C18orf54: variants seen among roughly 807,000 people sequenced by gnomAD.
The protein encoded by C18orf54 is chromosome 18 open reading frame 54.
C18orf54 carries 49 observed loss-of-function variants against 49.3 expected under a neutral mutation model. The ratio of observed to expected loss-of-function variants is 0.99; its 90% confidence interval spans 0.79 to 1.26. The LOEUF (loss-of-function observed/expected upper bound fraction) is 1.26. C18orf54 is among the 50% of genes most tolerant of loss of function. The pLI, the probability that C18orf54 is intolerant of heterozygous loss-of-function variation, is 0.00. For missense variants in C18orf54, 687 were observed against 620.6 expected (o/e 1.11, Z -1.14); for synonymous variants, 211 against 216.6 (o/e 0.97, Z 0.23).
intron 8 of C18orf54, among the ~76,000 whole-genome samples, chr18:54,375,094 G>T (rs1382169296): frequency 6.6e-6 from 1 of 151,582 alleles, no homozygotes; most frequent in Non-Finnish European, 1.5e-5. Context: ...TTATCTTTAG[G>T]GTATAAATAA....
intron 7 of C18orf54, 131 bp downstream of exon 7, chr18:54,372,728 G>A (rs879460793): frequency 1.1e-5 from 9 of 818,084 alleles, no homozygotes; most frequent in African/African-American, 1.8e-5. Context: ...GTAAGTGGCA[G>A]TAGTTTTTTT....
Position 54,381,741 on chromosome 18 carries a change from T to G in C18orf54, c.*3495T>G, listed in dbSNP as rs932358395. 2 of 152,234 alleles carry G rather than the reference T, an allele frequency of 1.3e-5. No individual in the cohort carries two copies. Among genetic ancestry groups the G allele is most frequent in the Non-Finnish European group, 2.9e-5 (2 of 68,032 alleles). 9.4% of individuals were successfully genotyped at this position (152,234 alleles called of 1,614,324 possible). A position where few individuals can be genotyped will look rare whatever the true frequency, so the allele number is the denominator to read the frequency against. ...TATCCACCAAACTGGTAAGTTGGCT[T>G]TTCTTTTTCCTCCCCCTGTCATTCA... On this transcript the variant is annotated 3_prime_UTR_variant, in exon 9 of 9. Transcript: ENST00000620105.
Position 54,362,391 on chromosome 18 carries a change from G to A in C18orf54, c.1032G>A (p.Glu344=). 6.5e-7 allele frequency: 1 copy of A among 1,532,580 alleles called. No homozygotes were observed. The highest frequency in any genetic ancestry group is 8.7e-7 in the Non-Finnish European group (1 of 1,144,764). 94.9% of individuals were successfully genotyped at this position (1,532,580 alleles called of 1,614,324 possible). The change falls in exon 4 of 9, where the codon GAG becomes GAA. Residue 344 remains glutamate, a synonymous_variant. Coordinates refer to ENST00000620105, the MANE Select transcript of C18orf54 (RefSeq NM_001288980.2). The part of the protein sequence containing the change: ...CDFEHSQCQC[E]NPLLPGQSTK... ...TTGAACATAGCCAGTGTCAATGTGA[G>A]AATCCACTTCTCCCAGGACAATCCA...
In C18orf54 at chr18:54,365,721, A is replaced by C. The variant is rs772662781; in HGVS notation, c.1226A>C (p.Lys409Thr). 1.9e-5 allele frequency: 30 copies of C among 1,575,122 alleles called. No individual in the cohort carries two copies. Among genetic ancestry groups the C allele is most frequent in the Non-Finnish European group, 2.5e-5 (29 of 1,152,812 alleles). The change falls in exon 6 of 9, where the codon AAA becomes ACA. Residue 409 changes from lysine (K) to threonine (T), a missense_variant and splice_region_variant. Physicochemically the swap from Lys to Thr is moderately conservative, Grantham distance 78. Coordinates refer to ENST00000620105, the MANE Select transcript of C18orf54 (RefSeq NM_001288980.2). ...RSWENIPVTF[K>T]SPVPVNSDDS... ...TGCATCCTTTAAATCCTGTTTAGCA[A>C]ATCTCCTGTTCCCGTTAACTCTGAT...
At chr18:54,376,492 C>A (rs567859179) in intron 8 of C18orf54, among the ~76,000 whole-genome samples, 2 of 152,180 alleles carry the variant, frequency 1.3e-5, no homozygotes, top group Non-Finnish European at 2.9e-5. Context: ...TGCCACCATG[C>A]CTGGCTAATT....
intron 8 of C18orf54, among the ~76,000 whole-genome samples, chr18:54,374,982 C>G (rs2144752830): frequency 6.6e-6 from 1 of 152,022 alleles, no homozygotes; most frequent in Middle Eastern, 3.4e-3. Flanking sequence ...AAATAAAACA[C>G]TAGACATGTA....
intron 1 of C18orf54, among the ~76,000 whole-genome samples, chr18:54,358,410 C>T (rs1268083835): frequency 6.6e-6 from 1 of 152,196 alleles, no homozygotes; most frequent in Non-Finnish European, 1.5e-5. Context: ...ACTTCTCCTT[C>T]AGTCCATTGC....
chr18:54,368,139 T>A (rs1363979846), intron 6 of C18orf54, among the ~76,000 whole-genome samples: 3 of 152,110 alleles, frequency 2.0e-5, no homozygotes, highest in South Asian at 4.1e-4. Context: ...TGAGTTTTTT[T>A]AAAAAAACAT....
intron 6 of C18orf54, among the ~76,000 whole-genome samples, chr18:54,369,809 C>T (rs1450871927): frequency 1.3e-5 from 2 of 152,128 alleles, no homozygotes; most frequent in African/African-American, 4.8e-5. Context: ...AATATCATAA[C>T]AAAATACTGT....
chr18:54,363,399 C>A (rs2089311944), intron 5 of C18orf54, among the ~76,000 whole-genome samples: 1 of 152,072 alleles, frequency 6.6e-6, no homozygotes, highest in South Asian at 2.1e-4. Flanking sequence ...CTCACTGCAA[C>A]CTCCGCCTCC....
rs1285690384 is a variant in C18orf54, at chr18:54,378,962, A to T, written c.*716A>T. ...AGATATTTAAGAATTTAATATTTTG[A>T]TATTAGATTGTTTCCCAGATTTTAA... On this transcript the variant is annotated 3_prime_UTR_variant, in exon 9 of 9. Coordinates refer to ENST00000620105, the MANE Select transcript of C18orf54 (RefSeq NM_001288980.2). 6.6e-6 allele frequency: 1 copy of T among 152,072 alleles called. No individual in the cohort carries two copies. Among genetic ancestry groups the T allele is most frequent in the African/African-American group, 2.4e-5 (1 of 41,424 alleles). The allele number at this position is 152,072 out of a possible 1,614,324, so 9.4% of individuals were successfully genotyped here.
At position 54,372,563 on chromosome 18, in the gene C18orf54, A is replaced by G. The variant is rs1306393212; in HGVS notation, c.1424A>G (p.Asn475Ser). Reference protein sequence around the residue: ...LQAVQERFNQNKTTDPKEEIK... With the variant: ...LQAVQERFNQSKTTDPKEEIK... ...GCAGTACAAGAACGTTTTAATCAAA[A>G]TAAGACCACAGATCCAAAAGAAGAG... The change falls in exon 7 of 9, where the codon AAT (asparagine) becomes AGT (serine). Residue 475 changes from asparagine to serine, a missense_variant. Physicochemically the swap from Asn to Ser is conservative, Grantham distance 46 (BLOSUM62 1). Transcript: ENST00000620105. 1 of 1,609,218 alleles carries G rather than the reference A, an allele frequency of 6.2e-7. No homozygotes were observed. The highest frequency in any genetic ancestry group is 1.3e-5 in the African/African-American group (1 of 74,804).
intron 4 of C18orf54, 143 bp downstream of exon 4, chr18:54,362,574 C>T (rs1425243159): frequency 3.4e-5 from 30 of 892,718 alleles, no homozygotes; most frequent in Non-Finnish European, 4.6e-5. Context: ...ATAATCTTCA[C>T]ATACAGCATT....
chr18:54,370,982 G>A (rs971856966), intron 6 of C18orf54, among the ~76,000 whole-genome samples: 16 of 144,496 alleles, frequency 1.1e-4, no homozygotes, highest in African/African-American at 3.3e-4. Flanking sequence ...TTATATTGTT[G>A]TGTTAAAATA....
chr18:54,363,307 A>T (rs2089309362), intron 5 of C18orf54, among the ~76,000 whole-genome samples: 1 of 151,836 alleles, frequency 6.6e-6, no homozygotes, highest in Non-Finnish European at 1.5e-5. Flanking sequence ...GGAGTTGTAC[A>T]TTTCTTTTTC....
intron 2 of C18orf54, among the ~76,000 whole-genome samples, chr18:54,359,148 C>A (rs367680413): frequency 6.6e-6 from 1 of 152,178 alleles, no homozygotes; most frequent in Non-Finnish European, 1.5e-5. Context: ...AATGTTATCA[C>A]CCACTTACGG....
In C18orf54 at chr18:54,379,413, T is replaced by G. The variant is rs2089629158; in HGVS notation, c.*1167T>G. On this transcript the variant is annotated 3_prime_UTR_variant, in exon 9 of 9. Transcript: ENST00000620105. Reference sequence around the variant, plus strand: ...AATAGGAATTTCTAAGCACATTGAGTCAAAGCATTTTTTCCAAGTTAATAA... The same window carrying G: ...AATAGGAATTTCTAAGCACATTGAGGCAAAGCATTTTTTCCAAGTTAATAA... 2 of 151,894 alleles carry G rather than the reference T, an allele frequency of 1.3e-5. No individual in the cohort carries two copies. The highest frequency in any genetic ancestry group is 1.3e-4 in the Admixed American group (2 of 15,240). The allele number at this position is 151,894 out of a possible 1,614,324, so 9.4% of individuals were successfully genotyped here. A position where few individuals can be genotyped will look rare whatever the true frequency, so the allele number is the denominator to read the frequency against.
intron 8 of C18orf54, 84 bp from the exon 9 acceptor site, chr18:54,378,090 A>ATTTT: frequency 3.2e-6 from 1 of 316,604 alleles, no homozygotes; most frequent in South Asian, 6.4e-5. Context: ...TTAATAGTCA[A>ATTTT]CTTTATTTAT....
At chr18:54,367,012 A>G (rs1392736265) in intron 6 of C18orf54, among the ~76,000 whole-genome samples, 1 of 152,096 alleles carries the variant, frequency 6.6e-6, no homozygotes, top group Non-Finnish European at 1.5e-5. Context: ...TGTGTGGAAT[A>G]TCTTTCTCCA....
Sources: allele counts gnomAD v4.1 joint callset (sites outside exome capture counted in the v4.1 genomes callset), GRCh38; gene constraint gnomAD v4.1.1; transcripts MANE v1.5; gene names NCBI Gene and HGNC (gene_info 2026-07-23, HGNC 2026-07-21).